Variants in C16orf46 observed in about 807,000 individuals in gnomAD.
The protein encoded by C16orf46 is chromosome 16 open reading frame 46, also known as uncharacterized protein C16orf46.
Under a neutral mutation model 5.5 loss-of-function variants are expected in C16orf46, and 7 were observed. That is an observed-to-expected ratio of 1.28 (90% confidence interval 0.73 to 2.40). The LOEUF is 2.40. Ranked by LOEUF, C16orf46 falls within the 30% of genes most tolerant of loss-of-function variation. C16orf46 has a pLI of 0.00. For missense variants in C16orf46, 614 were observed against 476.0 expected, an observed-to-expected ratio of 1.29 and a Z score of -2.70; for synonymous variants, 200 against 184.1, an observed-to-expected ratio of 1.09 and a Z score of -0.70.
chr16:81,075,617 C>A (rs570229555), intron 1 of C16orf46, among the ~76,000 whole-genome samples: 79 of 152,230 alleles, frequency 5.2e-4, no homozygotes, highest in African/African-American at 1.7e-3. Flanking sequence ...TCTGAATTGT[C>A]AACTCCAAAC....
intron 2 of C16orf46, among the ~76,000 whole-genome samples, chr16:81,065,121 C>T (rs1405597784): frequency 1.3e-5 from 2 of 152,166 alleles, no homozygotes; most frequent in Non-Finnish European, 2.9e-5. Flanking sequence ...GTCCTATTTA[C>T]CGGCTGTGTC....
chr16:81,063,246 G>GA (rs371975396), intron 3 of C16orf46, among the ~76,000 whole-genome samples: 3,647 of 100,438 alleles, frequency 0.036, 56 homozygotes, highest in African/African-American at 0.042. Context: ...CCATCTCAGG[G>GA]AAAAAAAAAA....
At chr16:81,064,114 T>C in intron 2 of C16orf46, 121 bp from the exon 3 acceptor site, 1 of 566,712 alleles carries the variant, frequency 1.8e-6, no homozygotes, top group Non-Finnish European at 3.0e-6. Context: ...CCGCGGTGGC[T>C]CATGCCTGTA....
intron 1 of C16orf46, chr16:81,071,969 C>A (rs1352433571): frequency 2.0e-5 from 3 of 152,194 alleles, no homozygotes; most frequent in African/African-American, 7.2e-5. Flanking sequence ...GTGAGTGGAA[C>A]TAATGTGTGT....
chr16:81,061,845 A>G lies in C16orf46; in HGVS notation c.504T>C (p.Phe168=), dbSNP rs1295680955. ...AEKKSLQIKE[F]IWCNKDWAIP... Reference sequence around the variant, plus strand: ...TGGCCCAGTCTTTGTTGCACCAAATAAACTCCTTGATTTGCAGACTTTTTT... The same window carrying G: ...TGGCCCAGTCTTTGTTGCACCAAATGAACTCCTTGATTTGCAGACTTTTTT... The change falls in exon 4 of 4, where the codon TTT becomes TTC. Residue 168 remains phenylalanine, a synonymous_variant. Transcript: ENST00000299578. The G allele has an allele frequency of 1.9e-6, 3 of 1,614,064 alleles. No homozygotes were observed. Among genetic ancestry groups the G allele is most frequent in the Non-Finnish European group, 2.5e-6 (3 of 1,180,046 alleles).
At chr16:81,069,563 G>A (rs886380893) in intron 1 of C16orf46, among the ~76,000 whole-genome samples, 4 of 152,160 alleles carry the variant, frequency 2.6e-5, no homozygotes, top group African/African-American at 4.8e-5. Context: ...GAGAAGCGGG[G>A]CTAATACTTC....
At chr16:81,055,543 A>C (rs986167138) in intron 3 of C16orf46, 2 of 151,914 alleles carry the variant, frequency 1.3e-5, no homozygotes, top group East Asian at 1.9e-4. Flanking sequence ...AAAAAAAAAA[A>C]ATTAGCTGAG....
At chr16:81,067,831 A>G (rs61426389) in intron 1 of C16orf46, among the ~76,000 whole-genome samples, 1 of 152,196 alleles carries the variant, frequency 6.6e-6, no homozygotes, top group African/African-American at 2.4e-5. Context: ...AAATGTATCA[A>G]TGAACAGATA....
intron 1 of C16orf46, among the ~76,000 whole-genome samples, chr16:81,076,018 T>A (rs1972028090): frequency 6.6e-6 from 1 of 152,184 alleles, no homozygotes; most frequent in Non-Finnish European, 1.5e-5. Context: ...AATCTTAAAT[T>A]CCAACCAGGG....
At chr16:81,062,673 G>C (rs950321234) in intron 3 of C16orf46, among the ~76,000 whole-genome samples, 1 of 152,084 alleles carries the variant, frequency 6.6e-6, no homozygotes, top group Non-Finnish European at 1.5e-5. Flanking sequence ...GAATGCAGAG[G>C]AGCCCTGCGT....
chr16:81,057,243 T>G (rs1180573916), downstream of C16orf46, among the ~76,000 whole-genome samples: 1 of 152,112 alleles, frequency 6.6e-6, no homozygotes, highest in Non-Finnish European at 1.5e-5. Flanking sequence ...TAAGAAGTTA[T>G]GTATATTGTT....
exon 4 of C16orf46, chr16:81,053,970 G>T (rs1243839617): frequency 2.4e-6 from 3 of 1,271,684 alleles, no homozygotes; most frequent in Non-Finnish European, 3.4e-6. Flanking sequence ...CTGCTTTCTG[G>T]TGATCCGCCG....
intron 1 of C16orf46, among the ~76,000 whole-genome samples, chr16:81,075,511 A>AC (rs1330561193): frequency 2.0e-5 from 3 of 152,034 alleles, no homozygotes; most frequent in Admixed American, 6.6e-5. Flanking sequence ...AATCGCTTGA[A>AC]CCCGAGAGGC....
Position 81,061,572 on chromosome 16 carries a change from A to G in C16orf46, c.777T>C (p.Asp259=), listed in dbSNP as rs775643584. 8 of 1,614,024 alleles carry G rather than the reference A, an allele frequency of 5.0e-6. No individual in the cohort carries two copies. The South Asian group carries it at 8.8e-5, about 18-fold the overall frequency. The change falls in exon 4 of 4, where the codon GAT becomes GAC. Residue 259 remains aspartate (D), a synonymous_variant. Transcript: ENST00000299578. ...CACTGGCTCTTTTTTCACCTTTCCC[A>G]TCTGCTGTTTTCAAGCCATATGCAT... ...VAYAYGLKTA[D]GKGEKRASEL... is the part of the protein sequence containing the mutation.
chr16:81,061,817 G>A lies in C16orf46; in HGVS notation c.532C>T (p.Pro178Ser), dbSNP rs1273516192. 1 of 1,614,198 alleles carries A rather than the reference G, an allele frequency of 6.2e-7. No homozygotes were observed. The highest frequency in any genetic ancestry group is 8.5e-7 in the Non-Finnish European group (1 of 1,180,042). ...GAGGCCTTGCCCCTATTAGTGCCGG[G>A]GATGGCCCAGTCTTTGTTGCACCAA... The part of the protein sequence containing the change: ...FIWCNKDWAI[P>S]GTNRGKASGN... Residue 178 changes from proline (P) to serine (S), a missense_variant, in exon 4 of 4, where the codon CCC becomes TCC. Coordinates refer to ENST00000299578, the MANE Select transcript of C16orf46 (RefSeq NM_152337.3).
intron 3 of C16orf46, among the ~76,000 whole-genome samples, chr16:81,062,879 C>CTTTT (rs35694573): frequency 2.2e-5 from 3 of 138,366 alleles, no homozygotes; most frequent in Non-Finnish European, 4.6e-5. Context: ...TAGTTTTATG[C>CTTTT]TTTTTTTTTT....
At chr16:81,053,787 G>C in exon 4 of C16orf46, 1 of 338,092 alleles carries the variant, frequency 3.0e-6, no homozygotes, top group East Asian at 4.6e-5. Flanking sequence ...TCTCCACGGT[G>C]ACTTTGTTAT....
At chr16:81,073,322 C>G (rs1567580847) in intron 1 of C16orf46, among the ~76,000 whole-genome samples, 1 of 152,060 alleles carries the variant, frequency 6.6e-6, no homozygotes, top group Non-Finnish European at 1.5e-5. Flanking sequence ...ATGCTTAATT[C>G]TAAGATACAA....
intron 1 of C16orf46, among the ~76,000 whole-genome samples, chr16:81,069,499 T>G (rs185041028): frequency 5.3e-5 from 8 of 152,310 alleles, no homozygotes; most frequent in Admixed American, 5.2e-4. Context: ...TCATTTGACT[T>G]CAGTTCACAT....
Sources: allele counts gnomAD v4.1 joint callset (sites outside exome capture counted in the v4.1 genomes callset), GRCh38; gene constraint gnomAD v4.1.1; transcripts MANE v1.5; gene names NCBI Gene and HGNC (gene_info 2026-07-23, HGNC 2026-07-21).